EXO1: variants seen among roughly 807,000 people sequenced by gnomAD.
The protein encoded by EXO1 is exonuclease 1.
EXO1 carries 69 observed loss-of-function variants against 84.5 expected under a neutral mutation model. That is an observed-to-expected ratio of 0.82 (90% CI 0.67 to 1.00). The LOEUF (loss-of-function observed/expected upper bound fraction) is 1.00, where lower values mean the gene tolerates loss of function less well. Ranked by LOEUF, EXO1 falls within the 50% of genes least tolerant of loss-of-function variation. The pLI is 0.00. For missense variants in EXO1, 1,045 were observed against 1,000.7 expected (o/e 1.04, Z -0.60); for synonymous variants, 373 against 366.1 (o/e 1.02, Z -0.21).
chr1:241,850,258 C>T (rs1435846370), intron 3 of EXO1, among the ~76,000 whole-genome samples, 151 bp from the exon 4 acceptor site: 1 of 147,856 alleles, frequency 6.8e-6, no homozygotes, highest in Non-Finnish European at 1.5e-5. Flanking sequence ...CCCTCCTGGG[C>T]GAAAGAGCGA....
At position 241,867,145 on chromosome 1, in the gene EXO1, T is replaced by G; in HGVS notation, c.1267+90T>G. ...ACGCAAAGTCGCGAAGATTTTCTCC[T>G]GTTTTCTCCTAGAAGTTTTATAGTT... On this transcript the variant is annotated intron_variant, in intron 11 of 15. Coordinates refer to ENST00000366548, the MANE Select transcript of EXO1 (RefSeq NM_130398.4). 4.3e-6 allele frequency: 4 copies of G among 927,084 alleles called. No homozygotes were observed. The South Asian group carries it at 5.6e-5, about 13-fold the overall frequency. 57.4% of individuals were successfully genotyped at this position (927,084 alleles called of 1,614,324 possible). A position where few individuals can be genotyped will look rare whatever the true frequency, so the allele number is the denominator to read the frequency against.
chr1:241,861,022 C>T (rs4149915), intron 9 of EXO1, among the ~76,000 whole-genome samples: 2,921 of 152,272 alleles, frequency 0.019, 62 homozygotes, highest in South Asian at 0.076. Context: ...CAAGCAAGCT[C>T]GACTTATCAG....
intron 4 of EXO1, 39 bp from the exon 5 acceptor site, chr1:241,852,253 G>A (rs780740612): frequency 2.3e-5 from 37 of 1,574,810 alleles, no homozygotes; most frequent in Non-Finnish European, 2.9e-5. Context: ...ATTACCTTAA[G>A]AAAGGTGAAG....
intron 6 of EXO1, among the ~76,000 whole-genome samples, chr1:241,856,759 A>G (rs912999689): frequency 1.3e-5 from 2 of 152,240 alleles, no homozygotes; most frequent in African/African-American, 4.8e-5. Flanking sequence ...GCCAGGCACA[A>G]TGGCTGAACG....
At chr1:241,857,179 T>TA (rs1661101734) in intron 6 of EXO1, among the ~76,000 whole-genome samples, 166 bp from the exon 7 acceptor site, 1 of 152,228 alleles carries the variant, frequency 6.6e-6, no homozygotes, top group Admixed American at 6.5e-5. Context: ...TAGTTCAACA[T>TA]ATACTAAAAC....
chr1:241,878,023 A>G (rs925030526), intron 12 of EXO1, among the ~76,000 whole-genome samples: 1 of 152,198 alleles, frequency 6.6e-6, no homozygotes, highest in African/African-American at 2.4e-5. Context: ...GCGTTTGACC[A>G]TGTTTTAGCC....
chr1:241,854,414 G>T (rs1324777852), intron 6 of EXO1, among the ~76,000 whole-genome samples: 1 of 152,172 alleles, frequency 6.6e-6, no homozygotes, highest in East Asian at 1.9e-4. Flanking sequence ...TCGGATTACA[G>T]GTGTGAGCCA....
At chr1:241,855,500 A>C (rs1349288759) in intron 6 of EXO1, among the ~76,000 whole-genome samples, 1 of 152,220 alleles carries the variant, frequency 6.6e-6, no homozygotes, top group African/African-American at 2.4e-5. Flanking sequence ...CACCAGACTC[A>C]GGAGCCCAGC....
At chr1:241,863,179 A>G (rs1242549589) in intron 10 of EXO1, among the ~76,000 whole-genome samples, 2 of 152,218 alleles carry the variant, frequency 1.3e-5, no homozygotes, top group Admixed American at 6.5e-5. Flanking sequence ...CACCTTAGAC[A>G]TAGTAAGTCA....
intron 12 of EXO1, among the ~76,000 whole-genome samples, chr1:241,875,567 A>G (rs1297544401): frequency 6.6e-6 from 1 of 152,224 alleles, no homozygotes; most frequent in Non-Finnish European, 1.5e-5. Flanking sequence ...ACAAAACTGG[A>G]ACAGTGTTCT....
At chr1:241,879,977 A>C (rs1357604411) in intron 13 of EXO1, among the ~76,000 whole-genome samples, 1 of 151,532 alleles carries the variant, frequency 6.6e-6, no homozygotes, top group Non-Finnish European at 1.5e-5. Flanking sequence ...ACTGTACTCC[A>C]GCCTGGGGGA....
At chr1:241,883,580 C>T (rs1456006793) in intron 14 of EXO1, among the ~76,000 whole-genome samples, 2 of 152,094 alleles carry the variant, frequency 1.3e-5, no homozygotes, top group Non-Finnish European at 2.9e-5. Context: ...ACATTCAGTC[C>T]ACAGCAAATT....
In EXO1 at chr1:241,850,272, T is replaced by C. The variant is rs1191622147; in HGVS notation, c.-17-137T>C. ...TCCCTCCTGGGCGAAAGAGCGAGAC[T>C]CCGTCTCAAAAAAAAAAAAAAACAA... On this transcript the variant is annotated intron_variant, in intron 3 of 15. Coordinates refer to ENST00000366548, the MANE Select transcript of EXO1 (RefSeq NM_130398.4). 9.8e-6 allele frequency: 6 copies of C among 613,796 alleles called. No homozygotes were observed. The African/African-American group carries it at 1.3e-4, about 14-fold the overall frequency. The allele number at this position is 613,796 out of a possible 1,614,324, so 38.0% of individuals were successfully genotyped here.
intron 7 of EXO1, 78 bp downstream of exon 7, chr1:241,857,560 C>A: frequency 3.8e-6 from 3 of 787,212 alleles, no homozygotes; most frequent in Non-Finnish European, 5.7e-6. Context: ...TTTTTCCTGT[C>A]CAGGAAATTA....
chr1:241,887,849 G>A (rs1663154428), intron 15 of EXO1, among the ~76,000 whole-genome samples: 1 of 151,960 alleles, frequency 6.6e-6, no homozygotes, highest in South Asian at 2.1e-4. Flanking sequence ...GTGTTGGCCA[G>A]GCTGGTTTTG....
chr1:241,879,968 C>T (rs150516211), intron 13 of EXO1, among the ~76,000 whole-genome samples: 78 of 149,174 alleles, frequency 5.2e-4, no homozygotes, highest in Admixed American at 1.8e-3. Context: ...GATTGAGCCA[C>T]TGTACTCCAG....
chr1:241,874,767 G>A (rs1211192072), intron 12 of EXO1, among the ~76,000 whole-genome samples: 1 of 152,176 alleles, frequency 6.6e-6, no homozygotes, highest in Non-Finnish European at 1.5e-5. Context: ...GATTAAATGA[G>A]TTACTATCAG....
rs115215170 is a variant in EXO1, at chr1:241,880,977, A to G, written c.2110-939A>G. 3.0e-3 allele frequency among the ~76,000 whole-genome samples: 461 copies of G among 152,244 alleles called. 3 individuals carry two copies. The highest frequency in any genetic ancestry group is 0.01 in the African/African-American group (430 of 41,564). Reference sequence around the variant, plus strand: ...GAATGTTAGAGTTTCTGTAAGGTATAATACAAGTTAATGGAGTGCTTTTCA... The same window carrying G: ...GAATGTTAGAGTTTCTGTAAGGTATGATACAAGTTAATGGAGTGCTTTTCA... On this transcript the variant is annotated intron_variant, in intron 13 of 15. Coordinates refer to ENST00000366548, the MANE Select transcript of EXO1 (RefSeq NM_130398.4).
chr1:241,872,513 C>A (rs977415256), intron 12 of EXO1, among the ~76,000 whole-genome samples: 1 of 152,114 alleles, frequency 6.6e-6, no homozygotes, highest in Admixed American at 6.6e-5. Context: ...TAGCCCCCTA[C>A]CCTGCCACAG....
Sources: allele counts gnomAD v4.1 joint callset (sites outside exome capture counted in the v4.1 genomes callset), GRCh38; gene constraint gnomAD v4.1.1; transcripts MANE v1.5; gene names NCBI Gene and HGNC (gene_info 2026-07-23, HGNC 2026-07-21).